KPNA1: variants seen among roughly 807,000 people sequenced by gnomAD.
The protein encoded by KPNA1 is importin subunit alpha-5.
Under a neutral mutation model 70.5 loss-of-function variants are expected in KPNA1, and 10 were observed. The ratio of observed to expected loss-of-function variants is 0.14; its 90% CI spans 0.09 to 0.24. The LOEUF is 0.24. KPNA1 is among the 10% of genes least tolerant of loss of function. The pLI, the probability that KPNA1 is intolerant of heterozygous loss-of-function variation, is 1.00. For missense variants in KPNA1, 397 were observed against 637.9 expected (o/e 0.62, Z 4.07); for synonymous variants, 192 against 221.9 (o/e 0.87, Z 1.20).
intron 8 of KPNA1, among the ~76,000 whole-genome samples, chr3:122,451,065 G>C (rs772273992): frequency 4.6e-5 from 7 of 151,958 alleles, no homozygotes; most frequent in Non-Finnish European, 8.8e-5. Flanking sequence ...TGGGTGTTGG[G>C]TGCACCAAAA....
chr3:122,475,653 CA>C (rs1389391280), intron 2 of KPNA1, among the ~76,000 whole-genome samples: 2 of 152,138 alleles, frequency 1.3e-5, no homozygotes, highest in East Asian at 3.9e-4. Context: ...CCTACGCAGT[CA>C]AAAACCTACA....
rs2075778677 is a variant in KPNA1 at position 122,422,921 on chromosome 3, C to A, written c.*4064G>T. The A allele has an allele frequency of 6.6e-6, 1 of 152,182 alleles. No individual in the cohort carries two copies. Among genetic ancestry groups the A allele is most frequent in the South Asian group, 2.1e-4 (1 of 4,826 alleles). 9.4% of individuals were successfully genotyped at this position (152,182 alleles called of 1,614,324 possible). On this transcript the variant is annotated 3_prime_UTR_variant, in exon 14 of 14. Transcript: ENST00000344337. ...GGAACACTTCTTTTCTTTCTTCTTA[C>A]CCCAAGCTTCCAGATGTATTTTATG...
chr3:122,513,796 G>T (rs959617756), intron 1 of KPNA1, among the ~76,000 whole-genome samples: 1 of 152,154 alleles, frequency 6.6e-6, no homozygotes, highest in Non-Finnish European at 1.5e-5. Flanking sequence ...GCTGGGTGTG[G>T]TTGCCCAAGA....
intron 2 of KPNA1, among the ~76,000 whole-genome samples, chr3:122,478,160 C>CAAAA (rs566764177): frequency 1.3e-5 from 1 of 75,574 alleles, no homozygotes; most frequent in Non-Finnish European, 2.5e-5. Context: ...GATGCTGTCT[C>CAAAA]AAAAAAAAAA....
chr3:122,499,825 C>T (rs996930754), intron 1 of KPNA1, among the ~76,000 whole-genome samples: 4 of 151,300 alleles, frequency 2.6e-5, no homozygotes, highest in Admixed American at 1.3e-4. Context: ...GCTTTGGTAT[C>T]AGAGTGATAC....
rs115908685 is a variant in KPNA1 at position 122,462,080 on chromosome 3, G to A, written c.338-762C>T. Among the ~76,000 whole-genome samples the A allele has an allele frequency of 3.5e-3, 526 of 152,238 alleles. 3 individuals carry two copies. Among genetic ancestry groups the A allele is most frequent in the African/African-American group, 0.012 (513 of 41,538 alleles). ...CATTTGGAAAGGACTCTAATGACAT[G>A]TCATTTACCTGGTTGAACATTTATA... On this transcript the variant is annotated intron_variant, in intron 4 of 13. Transcript: ENST00000344337.
intron 10 of KPNA1, among the ~76,000 whole-genome samples, chr3:122,439,542 A>G (rs2076036442): frequency 6.6e-6 from 1 of 150,454 alleles, no homozygotes; most frequent in South Asian, 2.1e-4. Context: ...TAGGCTAGAA[A>G]GAAGAATGAG....
chr3:122,474,627 A>C (rs1454297951), intron 2 of KPNA1, among the ~76,000 whole-genome samples: 1 of 152,178 alleles, frequency 6.6e-6, no homozygotes, highest in East Asian at 1.9e-4. Context: ...AAACACTAAC[A>C]AAATTCAACA....
At chr3:122,443,748 G>A (rs1286191617) in intron 9 of KPNA1, among the ~76,000 whole-genome samples, 10 of 152,102 alleles carry the variant, frequency 6.6e-5, no homozygotes, top group Non-Finnish European at 1.2e-4. Context: ...GGGAGTGTAC[G>A]AATAGGGTGT....
chr3:122,441,952 G>T, intron 10 of KPNA1, 86 bp downstream of exon 10: 1 of 988,950 alleles, frequency 1.0e-6, no homozygotes, highest in Non-Finnish European at 1.6e-6. Flanking sequence ...CTAATAATAT[G>T]GAGTAAAATA....
chr3:122,464,307 T>TGATGAGCAAGGA, intron 3 of KPNA1: 2 of 315,802 alleles, frequency 6.3e-6, no homozygotes. Flanking sequence ...TTCCCCTCCT[T>TGATGAGCAAGGA]GCTCATCACA....
In KPNA1 at chr3:122,495,868, T is replaced by C. The variant is rs181022218; in HGVS notation, c.129+569A>G. On this transcript the variant is annotated intron_variant, in intron 2 of 13. Coordinates refer to ENST00000344337, the MANE Select transcript of KPNA1 (RefSeq NM_002264.4). ...ATGTTCTAAATGTCTTTATGAATAA[T>C]ACAGAATTAATCTGGAATAAAAAGA... Among the ~76,000 whole-genome samples, 8 of 151,294 alleles carry C rather than the reference T, an allele frequency of 5.3e-5. No homozygotes were observed. The East Asian group carries it at 1.6e-3, about 29-fold the overall frequency.
At chr3:122,494,581 T>C (rs1312415396) in intron 2 of KPNA1, among the ~76,000 whole-genome samples, 1 of 152,214 alleles carries the variant, frequency 6.6e-6, no homozygotes, top group African/African-American at 2.4e-5. Context: ...CCTCCAGCTT[T>C]ATATTTTGCT....
At chr3:122,441,636 T>A (rs2076063638) in intron 10 of KPNA1, among the ~76,000 whole-genome samples, 1 of 152,164 alleles carries the variant, frequency 6.6e-6, no homozygotes, top group Non-Finnish European at 1.5e-5. Flanking sequence ...AGTCTCACTC[T>A]GTTGCCCAGG....
At chr3:122,496,284 CAA>C (rs1387158809) in intron 2 of KPNA1, among the ~76,000 whole-genome samples, 151 bp downstream of exon 2, 3 of 149,210 alleles carry the variant, frequency 2.0e-5, no homozygotes, top group East Asian at 2.0e-4. Flanking sequence ...ATCCCCACTC[CAA>C]AAAAGTGTTG....
In KPNA1 at chr3:122,453,546, T is replaced by G. The variant is rs766891901; in HGVS notation, c.564+324A>C. ...TGTTTTTCTTTTTTTGTTTGTTTTGTTTTTTTTGAGACAAAGTCTTGCTCT... is the reference window on the plus strand; with the variant it reads ...TGTTTTTCTTTTTTTGTTTGTTTTGGTTTTTTTGAGACAAAGTCTTGCTCT... On this transcript the variant is annotated intron_variant, in intron 6 of 13. Coordinates refer to ENST00000344337, the MANE Select transcript of KPNA1 (RefSeq NM_002264.4). Among the ~76,000 whole-genome samples the G allele has an allele frequency of 1.3e-3, 191 of 151,588 alleles. 1 individual carries two copies. The highest frequency in any genetic ancestry group is 1.0e-3 in the Non-Finnish European group (68 of 67,882).
chr3:122,448,623 T>C (rs1012293106), intron 9 of KPNA1, among the ~76,000 whole-genome samples: 4 of 151,938 alleles, frequency 2.6e-5, no homozygotes, highest in South Asian at 4.1e-4. Flanking sequence ...GGGATAGCAT[T>C]AAGAGAAATA....
At chr3:122,498,434 T>C (rs763090944) in intron 1 of KPNA1, among the ~76,000 whole-genome samples, 19 of 152,210 alleles carry the variant, frequency 1.2e-4, no homozygotes, top group South Asian at 2.1e-4. Flanking sequence ...GATCTTGGAC[T>C]TCCCAGCATC....
In KPNA1 at chr3:122,504,166, CA is replaced by C. The variant is rs575988752; in HGVS notation, c.-5-7597del. 2.2e-3 allele frequency among the ~76,000 whole-genome samples: 337 copies of C among 152,328 alleles called. 2 individuals are homozygous for C. The highest frequency in any genetic ancestry group is 7.7e-3 in the African/African-American group (321 of 41,566). ...TTTTAGCTTGATCAGGCTACTGTAA[CA>C]AAACACCATCAACTGGGTGTCTTAT... On this transcript the variant is annotated intron_variant, in intron 1 of 13. Transcript: ENST00000344337.
Sources: allele counts gnomAD v4.1 joint callset (sites outside exome capture counted in the v4.1 genomes callset), GRCh38; gene constraint gnomAD v4.1.1; transcripts MANE v1.5; gene names NCBI Gene and HGNC (gene_info 2026-07-23, HGNC 2026-07-21).